The following UACA variants were observed in gnomAD, a reference collection of about 807,000 sequenced individuals.
The protein encoded by UACA is nuclear membrane binding protein.
Under a neutral mutation model 160.5 loss-of-function variants are expected in UACA, and 112 were observed. The observed-to-expected ratio is 0.70, with a 90% CI of 0.60 to 0.82. The LOEUF (loss-of-function observed/expected upper bound fraction) is 0.82, where lower values mean the gene tolerates loss of function less well. Ranked by LOEUF, UACA falls within the 40% of genes least tolerant of loss-of-function variation. UACA has a pLI of 0.00. For synonymous variants in UACA, 557 were observed against 568.4 expected (o/e 0.98, Z 0.29); for missense variants, 1,574 against 1,614.6 (o/e 0.97, Z 0.43).
At chr15:70,739,447 AC>A (rs1899464001) in intron 1 of UACA, among the ~76,000 whole-genome samples, 3 of 152,194 alleles carry the variant, frequency 2.0e-5, no homozygotes, top group Admixed American at 1.3e-4. Flanking sequence ...GTTGAGAACC[AC>A]TGTTATAAAG....
Position 70,666,868 on chromosome 15 carries a change from T to G in UACA, c.3816A>C (p.Lys1272Asn), listed in dbSNP as rs756942622. 3 of 1,613,854 alleles carry G rather than the reference T, an allele frequency of 1.9e-6. No individual in the cohort carries two copies. The highest frequency in any genetic ancestry group is 2.5e-6 in the Non-Finnish European group (3 of 1,179,974). ...TGAAATGCAGTAATTCCTTCTCATCTTTTGCAGATATTTCCTTCTTTTTGG... is the reference window on the plus strand; with the variant it reads ...TGAAATGCAGTAATTCCTTCTCATCGTTTGCAGATATTTCCTTCTTTTTGG... The part of the protein sequence containing the change: ...LHAKKKEISA[K>N]DEKELLHFSI... The change falls in exon 16 of 19, where the codon AAA becomes AAC. Residue 1272 changes from lysine to asparagine, a missense_variant. By Grantham distance (94) the Lys-to-Asn change is moderately conservative (BLOSUM62 0). Transcript: ENST00000322954.
chr15:70,778,385 C>A, the UACA span, among the ~76,000 whole-genome samples: 1 of 152,222 alleles, frequency 6.6e-6, no homozygotes, highest in African/African-American at 2.4e-5. Context: ...TAAAATCAAG[C>A]TCTGGCAGAG....
chr15:70,726,470 T>G (rs767296223), intron 1 of UACA, among the ~76,000 whole-genome samples: 24 of 152,200 alleles, frequency 1.6e-4, no homozygotes, highest in Admixed American at 1.4e-3. Flanking sequence ...AAACTAAATC[T>G]CTCTAAAATA....
chr15:70,720,500 A>C (rs1001867294), intron 1 of UACA, among the ~76,000 whole-genome samples: 1 of 152,110 alleles, frequency 6.6e-6, no homozygotes, highest in Non-Finnish European at 1.5e-5. Context: ...AGGAATGTTT[A>C]TTGTGGATAT....
intron 1 of UACA, among the ~76,000 whole-genome samples, chr15:70,723,226 G>A (rs938437844): frequency 2.0e-5 from 3 of 152,218 alleles, no homozygotes; most frequent in Non-Finnish European, 4.4e-5. Context: ...CAGGTGCAGC[G>A]GCTCACGCCT....
At chr15:70,773,645 A>T in the UACA span, among the ~76,000 whole-genome samples, 1 of 152,178 alleles carries the variant, frequency 6.6e-6, no homozygotes, top group Non-Finnish European at 1.5e-5. Flanking sequence ...ACGGTGGTAT[A>T]TTCAGTGGAA....
At chr15:70,751,553 A>G (rs2030059096) in intron 1 of UACA, among the ~76,000 whole-genome samples, 1 of 152,234 alleles carries the variant, frequency 6.6e-6, no homozygotes, top group African/African-American at 2.4e-5. Flanking sequence ...CAACTACTCT[A>G]TGAAATAAGT....
chr15:70,714,288 GC>G (rs1898765158), intron 1 of UACA, among the ~76,000 whole-genome samples: 3 of 152,264 alleles, frequency 2.0e-5, no homozygotes, highest in Admixed American at 6.5e-5. Flanking sequence ...TTACATAACA[GC>G]AAATTAGAGC....
In UACA at chr15:70,687,584, C is replaced by T. The variant is rs1373236592; in HGVS notation, c.558G>A (p.Leu186=). The change falls in exon 7 of 19, where the codon CTG becomes CTA. Residue 186 remains leucine (L), a synonymous_variant. Coordinates refer to ENST00000322954, the MANE Select transcript of UACA (RefSeq NM_018003.4). ...QMSRPTICQL[L]IDRGADVNSR... ...AATTAACATCCGCTCCTCTATCTAT[C>T]AGCAGTTGACATATTGTTGGCCTAC... 6.2e-7 allele frequency: 1 copy of T among 1,613,912 alleles called. No homozygotes were observed. The highest frequency in any genetic ancestry group is 8.5e-7 in the Non-Finnish European group (1 of 1,179,840).
In UACA at chr15:70,662,155, G is replaced by C. The variant is rs998765237; in HGVS notation, c.4114-1939C>G. On this transcript the variant is annotated intron_variant, in intron 17 of 18. Transcript: ENST00000322954. ...ATCTTCTTAAGCTGATAAGCAACTT[G>C]AGCAAAGTCTCAGGGTACAAAATCA... Among the ~76,000 whole-genome samples, 17 of 152,214 alleles carry C rather than the reference G, an allele frequency of 1.1e-4. No homozygotes were observed. The South Asian group carries it at 1.9e-3, about 17-fold the overall frequency.
At chr15:70,767,239 C>CAA (rs747903027), upstream of UACA, among the ~76,000 whole-genome samples, 12 of 46,472 alleles carry the variant, frequency 2.6e-4, no homozygotes, top group Middle Eastern at 0.021. Context: ...GACTCCATCT[C>CAA]AAAAAAAAAA....
intron 17 of UACA, among the ~76,000 whole-genome samples, chr15:70,663,808 G>A (rs1896805765): frequency 7.1e-6 from 1 of 141,444 alleles, no homozygotes; most frequent in African/African-American, 2.6e-5. Flanking sequence ...TCATAGGTGG[G>A]AACTGAACAG....
At chr15:70,777,702 G>T in the UACA span, among the ~76,000 whole-genome samples, 4 of 152,110 alleles carry the variant, frequency 2.6e-5, no homozygotes, top group African/African-American at 9.7e-5. Context: ...CCTGGACCAC[G>T]GGCAAGTAGT....
intron 11 of UACA, among the ~76,000 whole-genome samples, chr15:70,677,849 G>A (rs1245872181): frequency 6.6e-6 from 1 of 152,012 alleles, no homozygotes; most frequent in Non-Finnish European, 1.5e-5. Context: ...TCTCCCACAG[G>A]AAGTGCCCCC....
chr15:70,657,500 C>A (rs575836904), intron 18 of UACA, among the ~76,000 whole-genome samples: 7 of 152,158 alleles, frequency 4.6e-5, no homozygotes, highest in Admixed American at 4.6e-4. Flanking sequence ...GAGGCTGAGA[C>A]AGGAGAATCG....
chr15:70,682,416 G>A (rs946411623), intron 9 of UACA, among the ~76,000 whole-genome samples: 1 of 152,140 alleles, frequency 6.6e-6, no homozygotes, highest in Non-Finnish European at 1.5e-5. Context: ...GGGAGACTGG[G>A]GGAAACTGTC....
rs761442046 is a variant in UACA, at chr15:70,668,879, C to T, written c.1805G>A (p.Arg602Gln). 5.0e-6 allele frequency: 8 copies of T among 1,613,648 alleles called. No individual in the cohort carries two copies. The highest frequency in any genetic ancestry group is 2.2e-5 in the East Asian group (1 of 44,878). ...QKELSMCEME[R>Q]EKKGRKVTEM... ...TGTGACCTTTCTTCCTTTCTTCTCT[C>T]GCTCCATTTCACACATACTAAGTTC... Residue 602 changes from arginine (R) to glutamine (Q), a missense_variant, in exon 16 of 19, where the codon CGA becomes CAA. Arg to Gln is a conservative substitution (Grantham distance 43, BLOSUM62 1). Coordinates refer to ENST00000322954, the MANE Select transcript of UACA (RefSeq NM_018003.4).
chr15:70,702,097 G>A (rs1247790444), intron 1 of UACA: 14 of 1,345,104 alleles, frequency 1.0e-5, no homozygotes, highest in African/African-American at 4.5e-5. Flanking sequence ...ATCCTTCTCC[G>A]CCTTCATAAC....
chr15:70,718,229 T>TGA (rs899667712), intron 1 of UACA, among the ~76,000 whole-genome samples: 11 of 115,302 alleles, frequency 9.5e-5, no homozygotes, highest in Non-Finnish European at 1.5e-4. Context: ...CCTTACAAGG[T>TGA]GAGAGAGAGA....
Sources: gnomAD v4.1 joint callset for allele counts (sites outside exome capture counted in the v4.1 genomes callset) on GRCh38, gnomAD v4.1.1 for gene constraint, MANE v1.5 for transcripts, NCBI Gene and HGNC (gene_info 2026-07-23, HGNC 2026-07-21) for gene names.